PRKAG2: variants seen among roughly 807,000 people sequenced by gnomAD.
The protein encoded by PRKAG2 is protein kinase AMP-activated non-catalytic subunit gamma 2.
PRKAG2 carries 26 observed loss-of-function variants against 69.6 expected under a neutral mutation model. The observed-to-expected ratio is 0.37, with a 90% CI of 0.27 to 0.52. PRKAG2 has a LOEUF of 0.52. Ranked by LOEUF, PRKAG2 falls within the 20% of genes least tolerant of loss-of-function variation. The probability of loss-of-function intolerance (pLI) is 0.90; values close to 1 mark genes in which losing one functional copy is unlikely to be tolerated. For synonymous variants in PRKAG2, 293 were observed against 285.0 expected, an observed-to-expected ratio of 1.03 and a Z score of -0.28; for missense variants, 557 against 740.0, an observed-to-expected ratio of 0.75 and a Z score of 2.87.
chr7:151,782,770 G>T (rs114178030), intron 2 of PRKAG2, among the ~76,000 whole-genome samples: 1,980 of 152,306 alleles, frequency 0.013, 55 homozygotes, highest in African/African-American at 0.046. Flanking sequence ...CTGCTTGAAC[G>T]TCAGATGAAG....
intron 1 of PRKAG2, among the ~76,000 whole-genome samples, chr7:151,832,374 CAGA>C (rs1314022120): frequency 1.3e-5 from 2 of 152,134 alleles, no homozygotes; most frequent in Non-Finnish European, 2.9e-5. Flanking sequence ...GGGGGCGAAG[CAGA>C]AGCTCCGACT....
In PRKAG2 at chr7:151,558,001, T is replaced by C. The variant is rs1584897494; in HGVS notation, c.1679-769A>G. ...TTGGCAGGGAGAGCTACTATTTTTC[T>C]CATCACAGGAGCTTCTCTCCTAATT... On this transcript the variant is annotated intron_variant, in intron 15 of 15. Coordinates refer to ENST00000287878, the MANE Select transcript of PRKAG2 (RefSeq NM_016203.4). 4 of 985,054 alleles carry C rather than the reference T, an allele frequency of 4.1e-6. No homozygotes were observed. In the South Asian group the frequency reaches 1.9e-4, roughly 46 times the overall value. 61.0% of individuals were successfully genotyped at this position (985,054 alleles called of 1,614,324 possible).
At chr7:151,611,764 C>T (rs959191401) in intron 5 of PRKAG2, among the ~76,000 whole-genome samples, 2 of 152,108 alleles carry the variant, frequency 1.3e-5, no homozygotes, top group African/African-American at 4.8e-5. Context: ...GGTAAAAAAG[C>T]AGTCTCGGGC....
At chr7:151,791,924 C>A (rs2077287607) in intron 1 of PRKAG2, among the ~76,000 whole-genome samples, 1 of 152,234 alleles carries the variant, frequency 6.6e-6, no homozygotes, top group Admixed American at 6.5e-5. Context: ...CAAGTGGTAT[C>A]ATCCCCGACT....
intron 3 of PRKAG2, among the ~76,000 whole-genome samples, chr7:151,762,727 G>A (rs1326996602): frequency 1.3e-5 from 2 of 152,120 alleles, no homozygotes; most frequent in Non-Finnish European, 2.9e-5. Flanking sequence ...GTTCAGAATT[G>A]GACTCAAACC....
chr7:151,589,428 A>G (rs1812506952), intron 6 of PRKAG2, among the ~76,000 whole-genome samples: 1 of 152,190 alleles, frequency 6.6e-6, no homozygotes, highest in Non-Finnish European at 1.5e-5. Context: ...TTCGGGTCTC[A>G]GATTGGGTCT....
chr7:151,783,644 G>A (rs1441789600), intron 2 of PRKAG2, among the ~76,000 whole-genome samples: 2 of 152,104 alleles, frequency 1.3e-5, no homozygotes, highest in Non-Finnish European at 2.9e-5. Flanking sequence ...CTTCAGGCAG[G>A]GGGTGGTGTC....
At chr7:151,676,832 T>C (rs967644394) in intron 3 of PRKAG2, among the ~76,000 whole-genome samples, 3 of 152,124 alleles carry the variant, frequency 2.0e-5, no homozygotes, top group African/African-American at 7.2e-5. Context: ...ACTGGTGTCC[T>C]TATAAGAAGA....
intron 1 of PRKAG2, among the ~76,000 whole-genome samples, chr7:151,791,351 C>G (rs1209999632): frequency 6.6e-6 from 1 of 152,164 alleles, no homozygotes; most frequent in Non-Finnish European, 1.5e-5. Flanking sequence ...CTGGATGTGC[C>G]CCATTCCCGT....
intron 6 of PRKAG2, among the ~76,000 whole-genome samples, chr7:151,588,755 CA>C (rs1812310328): frequency 1.3e-5 from 2 of 152,176 alleles, no homozygotes; most frequent in South Asian, 4.1e-4. Context: ...TGCCTTCCAC[CA>C]TGATTGTGAG....
In PRKAG2 at chr7:151,870,225, G is replaced by A. The variant is rs961192173; in HGVS notation, c.114+6282C>T. Among the ~76,000 whole-genome samples the A allele has an allele frequency of 2.0e-5, 3 of 151,938 alleles. No homozygotes were observed. The South Asian group carries it at 6.2e-4, about 32-fold the overall frequency. The stretch of plus-strand genomic sequence containing the variant: ...GACAGAGGAATAACTCATGGGGGCA[G>A]AAGAAATGGAACAGTATTACACCAG... On this transcript the variant is annotated intron_variant, in intron 1 of 15. Transcript: ENST00000287878.
intron 6 of PRKAG2, among the ~76,000 whole-genome samples, chr7:151,580,214 G>A (rs1415614113): frequency 6.6e-6 from 1 of 152,136 alleles, no homozygotes; most frequent in Non-Finnish European, 1.5e-5. Context: ...GGGTGTGGTG[G>A]TGCGCACCTG....
chr7:151,605,595 T>G (rs6958574), intron 5 of PRKAG2, among the ~76,000 whole-genome samples: 6,738 of 151,402 alleles, frequency 0.045, 479 homozygotes, highest in African/African-American at 0.15. Context: ...AAATTAGCTG[T>G]GCATAGTGGT....
At chr7:151,616,708 G>A (rs1293522609) in intron 5 of PRKAG2, among the ~76,000 whole-genome samples, 1 of 152,242 alleles carries the variant, frequency 6.6e-6, no homozygotes, top group Non-Finnish European at 1.5e-5. Flanking sequence ...CACAGGAGGA[G>A]CCAGAGGAGC....
chr7:151,612,164 G>C (rs1388481910), intron 5 of PRKAG2, among the ~76,000 whole-genome samples: 1 of 152,160 alleles, frequency 6.6e-6, no homozygotes, highest in East Asian at 1.9e-4. Context: ...CTTACATGCA[G>C]AGAGAAAGAG....
chr7:151,626,326 C>T (rs74558374), intron 5 of PRKAG2, among the ~76,000 whole-genome samples: 1 of 152,160 alleles, frequency 6.6e-6, no homozygotes, highest in African/African-American at 2.4e-5. Context: ...TGTGAAGTCA[C>T]GTCCTGACTT....
At chr7:151,716,877 C>T (rs1266840970) in intron 3 of PRKAG2, among the ~76,000 whole-genome samples, 5 of 152,172 alleles carry the variant, frequency 3.3e-5, no homozygotes, top group Non-Finnish European at 7.3e-5. Flanking sequence ...GCTTCCAGAG[C>T]GTTTTAGGGA....
chr7:151,867,265 C>T (rs1377451267), intron 1 of PRKAG2, among the ~76,000 whole-genome samples: 1 of 152,184 alleles, frequency 6.6e-6, no homozygotes, highest in Non-Finnish European at 1.5e-5. Context: ...GGTTCCTGGG[C>T]TGTGATAATG....
At chr7:151,628,953 T>C (rs924385797) in intron 5 of PRKAG2, among the ~76,000 whole-genome samples, 7 of 152,098 alleles carry the variant, frequency 4.6e-5, no homozygotes, top group Non-Finnish European at 1.0e-4. Flanking sequence ...CCTTGAAGTC[T>C]TACTAAGATC....
Sources: gnomAD v4.1 joint callset for allele counts (sites outside exome capture counted in the v4.1 genomes callset) on GRCh38, gnomAD v4.1.1 for gene constraint, MANE v1.5 for transcripts, NCBI Gene and HGNC (gene_info 2026-07-23, HGNC 2026-07-21) for gene names.